RAB21: variants seen among roughly 807,000 people sequenced by gnomAD.
The protein encoded by RAB21 is ras-related protein Rab-21.
In RAB21, 13 loss-of-function variants were observed where a neutral mutation model predicts 33.1. That is an observed-to-expected ratio of 0.39 (90% CI 0.26 to 0.62). The LOEUF (loss-of-function observed/expected upper bound fraction) is 0.62. RAB21 is among the 20% of genes least tolerant of loss of function. RAB21 has a pLI of 0.48. For missense variants in RAB21, 234 were observed against 279.1 expected (o/e 0.84, Z 1.15); for synonymous variants, 91 against 103.7 (o/e 0.88, Z 0.74).
At chr12:71,775,658 T>G (rs1255791504) in intron 4 of RAB21, among the ~76,000 whole-genome samples, 1 of 152,118 alleles carries the variant, frequency 6.6e-6, no homozygotes, top group Non-Finnish European at 1.5e-5. Context: ...TCCCTCAGCC[T>G]CCCGAGCAGC....
intron 1 of RAB21, among the ~76,000 whole-genome samples, chr12:71,764,178 A>G (rs1401073436): frequency 3.3e-5 from 5 of 152,148 alleles, no homozygotes; most frequent in Non-Finnish European, 4.4e-5. Context: ...AGGCATTTAT[A>G]AATCTCTTGG....
rs190019009 is a variant in RAB21 at position 71,760,796 on chromosome 12, A to G, written c.159+5508A>G. ...CCCCTTTCTTTTTAGAGTCCCAACT[A>G]TAGAATTCTGCTTGCCTCCTGAAGT... is the stretch of plus-strand genomic sequence containing the variant. On this transcript the variant is annotated intron_variant, in intron 1 of 6. Coordinates refer to ENST00000261263, the MANE Select transcript of RAB21 (RefSeq NM_014999.4). 7.9e-5 allele frequency among the ~76,000 whole-genome samples: 12 copies of G among 152,134 alleles called. No individual in the cohort carries two copies. In the East Asian group the frequency reaches 1.9e-3, roughly 24 times the overall value.
rs1592640477 is a variant in RAB21, at chr12:71,755,352, CTT to C, written c.159+66_159+67del. 6 of 1,415,968 alleles carry C rather than the reference CTT, an allele frequency of 4.2e-6. No individual in the cohort carries two copies. The East Asian group carries it at 1.6e-4, about 37-fold the overall frequency. 87.7% of individuals were successfully genotyped at this position (1,415,968 alleles called of 1,614,324 possible). On this transcript the variant is annotated intron_variant, in intron 1 of 6. Transcript: ENST00000261263. Reference sequence around the variant, plus strand: ...CCCTACCCCTCCGGGGCTGGGGAAACTTTGCCGCCCTGGTCCCCTGGATGTAG... The same window carrying C: ...CCCTACCCCTCCGGGGCTGGGGAAACTGCCGCCCTGGTCCCCTGGATGTAG...
At chr12:71,769,884 T>C (rs762616441) in intron 2 of RAB21, 25 bp downstream of exon 2, 5 of 1,248,216 alleles carry the variant, frequency 4.0e-6, no homozygotes, top group Non-Finnish European at 5.3e-6. Flanking sequence ...TCAACTATTA[T>C]GCGTGGAGGC....
intron 4 of RAB21, among the ~76,000 whole-genome samples, chr12:71,775,739 AT>A (rs568148961): frequency 5.2e-4 from 79 of 152,008 alleles, no homozygotes; most frequent in African/African-American, 1.8e-3. Flanking sequence ...GTTTCACCAT[AT>A]TGGCCAGGCT....
intron 1 of RAB21, among the ~76,000 whole-genome samples, chr12:71,759,999 CAT>C (rs1882846489): frequency 6.6e-6 from 1 of 152,182 alleles, no homozygotes; most frequent in Admixed American, 6.5e-5. Context: ...GAGCCTGGCA[CAT>C]GTTTGTTTAA....
At position 71,784,366 on chromosome 12, in the gene RAB21, T is replaced by G. The variant is rs572952057; in HGVS notation, c.536-1165T>G. Among the ~76,000 whole-genome samples, 3 of 152,330 alleles carry G rather than the reference T, an allele frequency of 2.0e-5. No homozygotes were observed. In the Middle Eastern group the frequency reaches 0.01, roughly 518 times the overall value. On this transcript the variant is annotated intron_variant, in intron 6 of 6. Transcript: ENST00000261263. ...TTTTATGTCTTACATGAGAACTCTT[T>G]GTGTAAGCCAAAGTCACAAAAATTT...
intron 1 of RAB21, among the ~76,000 whole-genome samples, chr12:71,755,765 C>T (rs1007881857): frequency 2.0e-5 from 3 of 152,188 alleles, no homozygotes; most frequent in Admixed American, 6.5e-5. Context: ...ACAGGAATGG[C>T]AAAAGAGCCA....
chr12:71,768,053 C>T (rs528102562), intron 1 of RAB21, among the ~76,000 whole-genome samples: 1 of 152,182 alleles, frequency 6.6e-6, no homozygotes, highest in Non-Finnish European at 1.5e-5. Flanking sequence ...TGTATTTGGT[C>T]TTCTCATTTT....
intron 3 of RAB21, among the ~76,000 whole-genome samples, chr12:71,771,484 G>C (rs1420767830): frequency 6.6e-6 from 1 of 151,844 alleles, no homozygotes; most frequent in South Asian, 2.1e-4. Flanking sequence ...TTTTTTCCCA[G>C]TTAAATCTGA....
intron 4 of RAB21, among the ~76,000 whole-genome samples, chr12:71,780,441 G>A (rs187418290): frequency 4.0e-4 from 61 of 152,270 alleles, no homozygotes; most frequent in Admixed American, 3.1e-3. Context: ...AGAATAACAC[G>A]ACGGTTTTTC....
At chr12:71,774,713 C>A (rs923967640) in intron 4 of RAB21, among the ~76,000 whole-genome samples, 1 of 150,076 alleles carries the variant, frequency 6.7e-6, no homozygotes, top group Non-Finnish European at 1.5e-5. Flanking sequence ...GCCAAGATCA[C>A]GCCATTGCAC....
In RAB21 at chr12:71,795,617, G is replaced by A. The variant is rs1173952246; in HGVS notation, c.*9944G>A. 1.5e-5 allele frequency: 2 copies of A among 137,542 alleles called. No homozygotes were observed. The highest frequency in any genetic ancestry group is 1.5e-5 in the Non-Finnish European group (1 of 66,046). 8.5% of individuals were successfully genotyped at this position (137,542 alleles called of 1,614,324 possible). A position where few individuals can be genotyped will look rare whatever the true frequency, so the allele number is the denominator to read the frequency against. ...TCCAGCTACCTGGTATTTGCATGAAGAATTCTAAATTTTTTATATGCCATA... is the reference window on the plus strand; with the variant it reads ...TCCAGCTACCTGGTATTTGCATGAAAAATTCTAAATTTTTTATATGCCATA... On this transcript the variant is annotated 3_prime_UTR_variant, in exon 7 of 7. Coordinates refer to ENST00000261263, the MANE Select transcript of RAB21 (RefSeq NM_014999.4).
rs1460808150 is a variant in RAB21 at position 71,796,970 on chromosome 12, T to G, written c.*11297T>G. On this transcript the variant is annotated 3_prime_UTR_variant, in exon 7 of 7. Transcript: ENST00000261263. Reference sequence around the variant, plus strand: ...AGTAAATTAGTTTTTATTTCATTTGTGGGTGGTATTGAGAAAAGTGGTGGA... The same window carrying G: ...AGTAAATTAGTTTTTATTTCATTTGGGGGTGGTATTGAGAAAAGTGGTGGA... 1 of 152,186 alleles carries G rather than the reference T, an allele frequency of 6.6e-6. No individual in the cohort carries two copies. Among genetic ancestry groups the G allele is most frequent in the East Asian group, 1.9e-4 (1 of 5,206 alleles). 9.4% of individuals were successfully genotyped at this position (152,186 alleles called of 1,614,324 possible).
chr12:71,790,006 G>T lies in RAB21; in HGVS notation c.*4333G>T, dbSNP rs1185333530. 1 of 152,082 alleles carries T rather than the reference G, an allele frequency of 6.6e-6. No homozygotes were observed. The highest frequency in any genetic ancestry group is 2.4e-5 in the African/African-American group (1 of 41,414). The allele number at this position is 152,082 out of a possible 1,614,324, so 9.4% of individuals were successfully genotyped here. On this transcript the variant is annotated 3_prime_UTR_variant, in exon 7 of 7. Coordinates refer to ENST00000261263, the MANE Select transcript of RAB21 (RefSeq NM_014999.4). ...CTAAATAAATACCACTTAATTGATAGACCTTTAGCAGTTCTTGTGCTATCT... is the reference window on the plus strand; with the variant it reads ...CTAAATAAATACCACTTAATTGATATACCTTTAGCAGTTCTTGTGCTATCT...
intron 1 of RAB21, 139 bp from the exon 2 acceptor site, chr12:71,769,661 C>A (rs185463736): frequency 2.4e-6 from 1 of 409,530 alleles, no homozygotes; most frequent in Admixed American, 4.4e-5. Flanking sequence ...GAAACAATTT[C>A]GATCATTAAT....
intron 4 of RAB21, among the ~76,000 whole-genome samples, chr12:71,781,245 G>A (rs901195294): frequency 4.6e-5 from 7 of 152,048 alleles, no homozygotes; most frequent in Non-Finnish European, 8.8e-5. Flanking sequence ...CGAGGCAGGC[G>A]GATCACGAGG....
chr12:71,765,821 A>T (rs1882952636), intron 1 of RAB21, among the ~76,000 whole-genome samples: 1 of 152,006 alleles, frequency 6.6e-6, no homozygotes, highest in African/African-American at 2.4e-5. Context: ...GCCTATTTTT[A>T]TACCTGTTTG....
At chr12:71,770,346 G>A (rs1018037798) in intron 2 of RAB21, among the ~76,000 whole-genome samples, 1 of 152,196 alleles carries the variant, frequency 6.6e-6, no homozygotes, top group Non-Finnish European at 1.5e-5. Flanking sequence ...GGGTGGGGAA[G>A]TGCTGAGGAG....
Sources: allele counts gnomAD v4.1 joint callset (sites outside exome capture counted in the v4.1 genomes callset), GRCh38; gene constraint gnomAD v4.1.1; transcripts MANE v1.5; gene names NCBI Gene and HGNC (gene_info 2026-07-23, HGNC 2026-07-21).